The following STAG1 variants were observed in gnomAD, a reference collection of about 807,000 sequenced individuals.
STAG1 encodes the protein cohesin subunit SA-1.
STAG1 carries 26 observed loss-of-function variants against 170.9 expected under a neutral mutation model. The ratio of observed to expected loss-of-function variants is 0.15; its 90% CI spans 0.11 to 0.21. The LOEUF (loss-of-function observed/expected upper bound fraction) is 0.21, where lower values mean the gene tolerates loss of function less well. Ranked by LOEUF, STAG1 falls within the 10% of genes least tolerant of loss-of-function variation. The pLI is 1.00. For synonymous variants in STAG1, 514 were observed against 497.7 expected (o/e 1.03, Z -0.44); for missense variants, 964 against 1,509.5 (o/e 0.64, Z 5.99).
chr3:136,513,319 C>T (rs1487456568), intron 7 of STAG1, among the ~76,000 whole-genome samples: 1 of 151,330 alleles, frequency 6.6e-6, no homozygotes, highest in African/African-American at 2.4e-5. Context: ...ATCGTGCCAC[C>T]GTACTCCAGT....
Position 136,421,168 on chromosome 3 carries a change from A to G in STAG1, c.2038-5T>C. The G allele has an allele frequency of 6.3e-7, 1 of 1,584,562 alleles. No individual in the cohort carries two copies. Among genetic ancestry groups the G allele is most frequent in the Non-Finnish European group, 8.6e-7 (1 of 1,160,918 alleles). ...ATCATCATCAGCTTCTTCTCCCTAT[A>G]AAAAAAGGAAACATCACATCATTAC... On this transcript the variant is annotated splice_polypyrimidine_tract_variant and splice_region_variant and intron_variant, in intron 19 of 33. Coordinates refer to ENST00000383202, the MANE Select transcript of STAG1 (RefSeq NM_005862.3).
At chr3:136,722,110 C>T (rs1290751926) in intron 1 of STAG1, among the ~76,000 whole-genome samples, 3 of 151,610 alleles carry the variant, frequency 2.0e-5, no homozygotes, top group African/African-American at 7.3e-5. Flanking sequence ...GTGGTAACAG[C>T]TACTTAGGAG....
chr3:136,369,910 T>A (rs932276165), intron 23 of STAG1, among the ~76,000 whole-genome samples: 6 of 152,292 alleles, frequency 3.9e-5, no homozygotes, highest in Admixed American at 3.9e-4. Context: ...AACACATTAC[T>A]CACGAGTTTG....
At chr3:136,746,583 G>T (rs999640317) in intron 1 of STAG1, among the ~76,000 whole-genome samples, 6 of 152,160 alleles carry the variant, frequency 3.9e-5, no homozygotes, top group Non-Finnish European at 7.3e-5. Flanking sequence ...CTGCTAAACC[G>T]TATGCCATGA....
chr3:136,527,294 T>G (rs1049626843), intron 6 of STAG1, among the ~76,000 whole-genome samples: 10 of 152,224 alleles, frequency 6.6e-5, no homozygotes, highest in Non-Finnish European at 1.2e-4. Flanking sequence ...GTTTGTTTCT[T>G]TTTACTCTTT....
intron 1 of STAG1, among the ~76,000 whole-genome samples, chr3:136,672,333 A>T (rs990825917): frequency 6.6e-6 from 1 of 152,256 alleles, no homozygotes; most frequent in South Asian, 2.1e-4. Context: ...ACAAAACCTT[A>T]AATTGAAAAA....
At chr3:136,527,544 C>T (rs975808887) in intron 6 of STAG1, among the ~76,000 whole-genome samples, 2 of 152,264 alleles carry the variant, frequency 1.3e-5, no homozygotes, top group Admixed American at 1.3e-4. Flanking sequence ...CAACTTCCTC[C>T]TTTAGCTCAG....
At chr3:136,652,270 C>T (rs879944854) in intron 1 of STAG1, among the ~76,000 whole-genome samples, 3 of 152,278 alleles carry the variant, frequency 2.0e-5, no homozygotes, top group African/African-American at 4.8e-5. Flanking sequence ...AAAGGGCTAA[C>T]GCACTTGTAG....
chr3:136,596,695 A>C (rs2107798980), intron 4 of STAG1, among the ~76,000 whole-genome samples: 2 of 152,338 alleles, frequency 1.3e-5, no homozygotes, highest in East Asian at 3.9e-4. Flanking sequence ...ATCATTCTGC[A>C]ATTTGCATTG....
chr3:136,551,251 GA>G (rs1559874378), intron 5 of STAG1, among the ~76,000 whole-genome samples: 17 of 146,462 alleles, frequency 1.2e-4, no homozygotes, highest in South Asian at 2.2e-4. Flanking sequence ...GAGAGAGAGA[GA>G]GAGAGAGAGG....
In STAG1 at chr3:136,568,225, A is replaced by G. The variant is rs1937151366; in HGVS notation, c.394+540T>C. 2.0e-5 allele frequency among the ~76,000 whole-genome samples: 3 copies of G among 152,198 alleles called. No homozygotes were observed. In the South Asian group the frequency reaches 6.2e-4, roughly 31 times the overall value. Reference sequence around the variant, plus strand: ...AATACAAATTAACCTGTTAAGATTTATCTAGAGAAGAAAAAGATCTAGCAG... The same window carrying G: ...AATACAAATTAACCTGTTAAGATTTGTCTAGAGAAGAAAAAGATCTAGCAG... On this transcript the variant is annotated intron_variant, in intron 5 of 33. Coordinates refer to ENST00000383202, the MANE Select transcript of STAG1 (RefSeq NM_005862.3).
chr3:136,537,380 A>C (rs1192892729), intron 6 of STAG1, among the ~76,000 whole-genome samples: 1 of 152,196 alleles, frequency 6.6e-6, no homozygotes, highest in African/African-American at 2.4e-5. Flanking sequence ...AAAGAGTTCA[A>C]TACTCAAAGG....
chr3:136,529,909 A>G (rs2107926155), intron 6 of STAG1, among the ~76,000 whole-genome samples: 1 of 152,296 alleles, frequency 6.6e-6, no homozygotes, highest in Admixed American at 6.5e-5. Context: ...TTGAATGTAA[A>G]CGGATTAAAT....
intron 6 of STAG1, 129 bp from the exon 7 acceptor site, chr3:136,521,546 A>G: frequency 3.0e-6 from 2 of 668,530 alleles, no homozygotes; most frequent in South Asian, 4.0e-5. Flanking sequence ...GGTGACTTTC[A>G]TAGCACATTT....
intron 13 of STAG1, among the ~76,000 whole-genome samples, chr3:136,456,749 C>G (rs369990405): frequency 6.6e-6 from 1 of 152,096 alleles, no homozygotes; most frequent in Non-Finnish European, 1.5e-5. Flanking sequence ...AAGAAATATT[C>G]AAAGCATCAA....
chr3:136,694,335 G>T (rs1027382463), intron 1 of STAG1, among the ~76,000 whole-genome samples: 8 of 152,116 alleles, frequency 5.3e-5, no homozygotes, highest in Non-Finnish European at 7.4e-5. Flanking sequence ...TTGGAAAGTG[G>T]CTGGGTGCAA....
intron 3 of STAG1, among the ~76,000 whole-genome samples, chr3:136,615,226 G>A (rs981300570): frequency 6.6e-6 from 1 of 151,794 alleles, no homozygotes; most frequent in Non-Finnish European, 1.5e-5. Context: ...GTGAATGTGG[G>A]AAAGCAAAAG....
At chr3:136,559,631 G>A (rs1576606754) in intron 5 of STAG1, among the ~76,000 whole-genome samples, 1 of 152,224 alleles carries the variant, frequency 6.6e-6, no homozygotes, top group Non-Finnish European at 1.5e-5. Context: ...AAAATGATAT[G>A]GGTAATGTGG....
intron 9 of STAG1, among the ~76,000 whole-genome samples, chr3:136,493,411 T>C (rs1304444669): frequency 6.6e-6 from 1 of 151,728 alleles, no homozygotes; most frequent in Non-Finnish European, 1.5e-5. Flanking sequence ...TCCCATCACT[T>C]TGGGAGGCTA....
Sources: allele counts gnomAD v4.1 joint callset (sites outside exome capture counted in the v4.1 genomes callset), GRCh38; gene constraint gnomAD v4.1.1; transcripts MANE v1.5; gene names NCBI Gene and HGNC (gene_info 2026-07-23, HGNC 2026-07-21).